Variants in ZAN observed in about 807,000 individuals in gnomAD.
ZAN encodes the protein zonadhesin, also known as zonadhesin (gene/pseudogene).
A neutral mutation model predicts 286.2 loss-of-function variants in ZAN; 260 were observed. The ratio of observed to expected loss-of-function variants is 0.91; its 90% CI spans 0.82 to 1.01. The LOEUF (loss-of-function observed/expected upper bound fraction) is 1.01. ZAN is among the 50% of genes least tolerant of loss of function. The probability of loss-of-function intolerance (pLI) is 0.00; values close to 1 mark genes in which losing one functional copy is unlikely to be tolerated. For synonymous variants in ZAN, 1,368 were observed against 1,417.5 expected (o/e 0.97, Z 0.79); for missense variants, 3,410 against 3,639.2 (o/e 0.94, Z 1.62).
chr7:100,755,078 C>T, intron 14 of ZAN, 148 bp from the exon 15 acceptor site: 1 of 916,502 alleles, frequency 1.1e-6, no homozygotes, highest in Non-Finnish European at 1.6e-6. Context: ...GTGTGAGCCA[C>T]CGCACCCAGC....
At chr7:100,776,658 C>A (rs982289641) in intron 34 of ZAN, 94 bp downstream of exon 34, 2 of 897,518 alleles carry the variant, frequency 2.2e-6, no homozygotes, top group African/African-American at 1.9e-5. Context: ...CCCCTCCCCT[C>A]CCCTCCCCTT....
At position 100,755,302 on chromosome 7, in the gene ZAN, G is replaced by A; in HGVS notation, c.3201G>A (p.Gly1067=). The change falls in exon 15 of 48, where the codon GGG becomes GGA. Residue 1067 remains glycine (G), a synonymous_variant. Transcript: ENST00000613979. The stretch of plus-strand genomic sequence containing the variant: ...GCAAGAGCCCCAGGCCTAGCTGTGG[G>A]CCCCTCTGTCGGGAGGGCTGTGTCT... ...ASCKSPRPSC[G]PLCREGCVCN... is the part of the protein sequence containing the mutation. 1 of 1,613,886 alleles carries A rather than the reference G, an allele frequency of 6.2e-7. No individual in the cohort carries two copies. Among genetic ancestry groups the A allele is most frequent in the South Asian group, 1.1e-5 (1 of 91,080 alleles).
intron 11 of ZAN, among the ~76,000 whole-genome samples, chr7:100,749,363 G>A (rs1808447849): frequency 6.6e-6 from 1 of 150,656 alleles, no homozygotes; most frequent in Non-Finnish European, 1.5e-5. Context: ...AAAAGAGGCT[G>A]GGCGCAGTGG....
intron 8 of ZAN, among the ~76,000 whole-genome samples, chr7:100,747,212 C>A (rs1808287263): frequency 6.6e-6 from 1 of 151,774 alleles, no homozygotes; most frequent in Admixed American, 6.6e-5. Flanking sequence ...CATAGAGAAA[C>A]CTTGTCTCTA....
At chr7:100,751,352 C>A in intron 13 of ZAN, 86 bp downstream of exon 13, 6 of 970,636 alleles carry the variant, frequency 6.2e-6, no homozygotes, top group South Asian at 2.5e-5. Flanking sequence ...AAATGTGAGT[C>A]CTCCCTGGAG....
intron 19 of ZAN, among the ~76,000 whole-genome samples, chr7:100,761,650 AT>A (rs1235580136): frequency 1.3e-5 from 2 of 151,990 alleles, no homozygotes; most frequent in African/African-American, 2.4e-5. Flanking sequence ...AAATAAAAAA[AT>A]AAATAAATAA....
chr7:100,790,855 C>G (rs1016469986), intron 39 of ZAN, 87 bp from the exon 40 acceptor site: 196 of 1,399,540 alleles, frequency 1.4e-4, no homozygotes, highest in Admixed American at 3.2e-4. Flanking sequence ...TGCACTCCAG[C>G]CTGGGCAACA....
chr7:100,774,522 T>A (rs932184644), intron 31 of ZAN, among the ~76,000 whole-genome samples: 4 of 151,796 alleles, frequency 2.6e-5, no homozygotes, highest in African/African-American at 9.7e-5. Flanking sequence ...AAATAAAAGC[T>A]AAAAAGTTAA....
intron 17 of ZAN, 143 bp downstream of exon 17, chr7:100,758,793 G>T: frequency 7.3e-7 from 1 of 1,364,492 alleles, no homozygotes; most frequent in Non-Finnish European, 9.8e-7. Flanking sequence ...TGTAAGGTGA[G>T]GGTTGAAGGC....
At chr7:100,748,284 G>T in intron 10 of ZAN, 40 bp from the exon 11 acceptor site, 1 of 1,613,802 alleles carries the variant, frequency 6.2e-7, no homozygotes. Flanking sequence ...GCTGGAGAGC[G>T]TCACTCAACT....
rs201706477 is a variant in ZAN, at chr7:100,767,184, T to C, written c.4787T>C (p.Val1596Ala). 7.3e-5 allele frequency: 118 copies of C among 1,612,754 alleles called. 1 individual carries two copies. The African/African-American group carries it at 1.5e-3, about 20-fold the overall frequency. Reference sequence around the variant, plus strand: ...GAGAACCGCGGGGGGATCCTGGAGGTCTCCTACATCAAAGCCGTCCACGTG... The same window carrying C: ...GAGAACCGCGGGGGGATCCTGGAGGCCTCCTACATCAAAGCCGTCCACGTG... ...TNENRGGILEVSYIKAVHVTV... is the reference protein window; with the variant it reads ...TNENRGGILEASYIKAVHVTV... The change falls in exon 25 of 48, where the codon GTC (valine) becomes GCC (alanine). Residue 1596 changes from valine (V) to alanine (A), a missense_variant. By Grantham distance (64) the Val-to-Ala change is moderately conservative. Coordinates refer to ENST00000613979, the MANE Select transcript of ZAN (RefSeq NM_003386.3).
In ZAN at chr7:100,758,573, T is replaced by C; in HGVS notation, c.3494T>C (p.Val1165Ala). 6.4e-7 allele frequency: 1 copy of C among 1,566,270 alleles called. No individual in the cohort carries two copies. The highest frequency in any genetic ancestry group is 1.9e-5 in the Admixed American group (1 of 52,762). The part of the protein sequence containing the change: ...TCLVYGDPHY[V>A]TFDGRHFGFM... The stretch of plus-strand genomic sequence containing the variant: ...TTGGTCTACGGAGACCCTCATTATG[T>C]CACCTTTGACGGGAGGCACTTTGGC... The change falls in exon 17 of 48, where the codon GTC (valine) becomes GCC (alanine). Residue 1165 changes from valine to alanine, a missense_variant. Coordinates refer to ENST00000613979, the MANE Select transcript of ZAN (RefSeq NM_003386.3).
intron 7 of ZAN, among the ~76,000 whole-genome samples, chr7:100,742,902 G>T (rs1807912698): frequency 1.6e-5 from 1 of 64,064 alleles, no homozygotes; most frequent in Non-Finnish European, 4.6e-5. Context: ...GGACGGGGAC[G>T]ATCTGACTTA....
intron 45 of ZAN, among the ~76,000 whole-genome samples, chr7:100,796,486 G>A (rs971744950): frequency 4.6e-4 from 67 of 145,792 alleles, no homozygotes; most frequent in African/African-American, 9.7e-4. Flanking sequence ...GCGTGATCTC[G>A]GCTCACTGCA....
At chr7:100,735,643 A>G in intron 2 of ZAN, 77 bp from the exon 3 acceptor site, 1 of 1,131,816 alleles carries the variant, frequency 8.8e-7, no homozygotes, top group Non-Finnish European at 1.3e-6. Context: ...CCACTCAGAA[A>G]GCTCACAGTC....
chr7:100,749,444 T>C (rs552633663), intron 11 of ZAN, among the ~76,000 whole-genome samples: 2 of 150,718 alleles, frequency 1.3e-5, no homozygotes, highest in Non-Finnish European at 1.5e-5. Context: ...ATCGAGACCA[T>C]CCTGGCTAAC....
chr7:100,767,186 T>A lies in ZAN; in HGVS notation c.4789T>A (p.Ser1597Thr). 6.2e-7 allele frequency: 1 copy of A among 1,613,558 alleles called. No individual in the cohort carries two copies. The highest frequency in any genetic ancestry group is 8.5e-7 in the Non-Finnish European group (1 of 1,179,834). ...GAACCGCGGGGGGATCCTGGAGGTCTCCTACATCAAAGCCGTCCACGTGAC... is the reference window on the plus strand; with the variant it reads ...GAACCGCGGGGGGATCCTGGAGGTCACCTACATCAAAGCCGTCCACGTGAC... ...NENRGGILEV[S>T]YIKAVHVTVF... Residue 1597 changes from serine (S) to threonine (T), a missense_variant, in exon 25 of 48, where the codon TCC (serine) becomes ACC (threonine). Around this residue, in one of 7 missense-constraint regions of ZAN, gnomAD observed 1,042 missense variants for 1,058.0 expected, o/e 0.98. Transcript: ENST00000613979.
In ZAN at chr7:100,736,821, T is replaced by A. The variant is rs760551850; in HGVS notation, c.266T>A (p.Leu89Gln). 3 of 1,478,438 alleles carry A rather than the reference T, an allele frequency of 2.0e-6. No individual in the cohort carries two copies. Among genetic ancestry groups the A allele is most frequent in the Non-Finnish European group, 2.8e-6 (3 of 1,085,204 alleles). 91.6% of individuals were successfully genotyped at this position (1,478,438 alleles called of 1,614,324 possible). ...GGYPNGEGSY[L>Q]HMESNSFHRG... is the part of the protein sequence containing the mutation. ...CTGCCTCCCCCAGAGGGCAGCTATC[T>A]GCATATGGAATCGAACAGCTTCCAC... The change falls in exon 5 of 48, where the codon CTG becomes CAG. Residue 89 changes from leucine (L) to glutamine (Q), a missense_variant. By Grantham distance (113) the Leu-to-Gln change is moderately radical (BLOSUM62 -2). Around this residue, in one of 7 missense-constraint regions of ZAN, gnomAD observed 872 missense variants for 938.9 expected, o/e 0.93. Coordinates refer to ENST00000613979, the MANE Select transcript of ZAN (RefSeq NM_003386.3).
At chr7:100,790,534 C>T (rs1343443938) in intron 39 of ZAN, among the ~76,000 whole-genome samples, 1 of 147,698 alleles carries the variant, frequency 6.8e-6, no homozygotes, top group Non-Finnish European at 1.5e-5. Flanking sequence ...TGCACTCCAG[C>T]CTGGGCAACG....
Sources: gnomAD v4.1 joint callset for allele counts (sites outside exome capture counted in the v4.1 genomes callset) on GRCh38, gnomAD v4.1.1 for gene constraint, gnomAD v4.1.1 regional missense constraint, MANE v1.5 for transcripts, NCBI Gene and HGNC (gene_info 2026-07-23, HGNC 2026-07-21) for gene names.